The following PSORS1C1 variants were observed in gnomAD, a reference collection of about 807,000 sequenced individuals.
PSORS1C1 encodes psoriasis susceptibility 1 candidate 1, also known as psoriasis susceptibility 1 candidate gene 1 protein.
Under a neutral mutation model 9.4 loss-of-function variants are expected in PSORS1C1, and 7 were observed. The observed-to-expected ratio is 0.75, with a 90% CI of 0.42 to 1.40. PSORS1C1 has a LOEUF of 1.40. Ranked by LOEUF, PSORS1C1 falls within the 40% of genes most tolerant of loss-of-function variation. The pLI, the probability that PSORS1C1 is intolerant of heterozygous loss-of-function variation, is 0.01. For missense variants in PSORS1C1, 146 were observed against 178.1 expected (o/e 0.82, Z 1.02); for synonymous variants, 63 against 69.4 (o/e 0.91, Z 0.46).
chr6:31,138,040 G>A, intron 3 of PSORS1C1: 9 of 1,529,234 alleles, frequency 5.9e-6, no homozygotes, highest in Non-Finnish European at 7.9e-6. Flanking sequence ...GGGTTTTCTG[G>A]GGGCTGGGGT....
At chr6:31,121,595 C>T (rs1476548454) in intron 1 of PSORS1C1, among the ~76,000 whole-genome samples, 1 of 151,972 alleles carries the variant, frequency 6.6e-6, no homozygotes, top group Non-Finnish European at 1.5e-5. Context: ...GTATCAGTAT[C>T]GGAGGGAGGT....
chr6:31,116,496 C>A (rs748714205), intron 1 of PSORS1C1: 11 of 1,609,526 alleles, frequency 6.8e-6, no homozygotes, highest in Non-Finnish European at 7.6e-6. Context: ...CCCCACCAGT[C>A]CCCACTGGCT....
chr6:31,120,441 A>G, intron 1 of PSORS1C1: 1 of 1,559,130 alleles, frequency 6.4e-7, no homozygotes, highest in Non-Finnish European at 8.7e-7. Flanking sequence ...CGGCCTCCTG[A>G]CTGATGGCAG....
At chr6:31,133,890 C>G (rs769928120) in intron 3 of PSORS1C1, among the ~76,000 whole-genome samples, 66 of 152,210 alleles carry the variant, frequency 4.3e-4, no homozygotes, top group Non-Finnish European at 8.4e-4. Context: ...TTTAATTCTA[C>G]TAGGCTCAAC....
intron 3 of PSORS1C1, among the ~76,000 whole-genome samples, chr6:31,132,328 C>G (rs1772954063): frequency 6.6e-6 from 1 of 152,102 alleles, no homozygotes; most frequent in African/African-American, 2.4e-5. Context: ...TTGAGACCAG[C>G]CTGGCCAACA....
rs879781820 is a variant in PSORS1C1 at position 31,139,455 on chromosome 6, G to A, written c.168-186G>A. 1.5e-5 allele frequency: 9 copies of A among 611,908 alleles called. No individual in the cohort carries two copies. The African/African-American group carries it at 1.5e-4, about 10-fold the overall frequency. The allele number at this position is 611,908 out of a possible 1,614,324, so 37.9% of individuals were successfully genotyped here. On this transcript the variant is annotated intron_variant, in intron 5 of 5. Transcript: ENST00000259881. The surrounding 1 kb of genome is among the most constrained non-coding windows in gnomAD (Gnocchi z 5.2). ...CCGTAATTACAGGGTTGGGAGGCAG[G>A]ATGCCTGCGCTGAGGGAGGAGGTGC...
In PSORS1C1 at chr6:31,115,843, A is replaced by G; in HGVS notation, c.-229+952A>G. 1.7e-6 allele frequency: 1 copy of G among 597,082 alleles called. No individual in the cohort carries two copies. The highest frequency in any genetic ancestry group is 3.0e-6 in the Non-Finnish European group (1 of 333,544). 37.0% of individuals were successfully genotyped at this position (597,082 alleles called of 1,614,324 possible). A position where few individuals can be genotyped will look rare whatever the true frequency, so the allele number is the denominator to read the frequency against. On this transcript the variant is annotated intron_variant, in intron 1 of 5. Coordinates refer to ENST00000259881, the MANE Select transcript of PSORS1C1 (RefSeq NM_014068.3). The surrounding 1 kb of genome is among the most constrained non-coding windows in gnomAD (Gnocchi z 4.2). Reference sequence around the variant, plus strand: ...TGAATCTACCATTTTGAGAAGAGGAAGGAGGAAGGGGTGATAAGAGAGAGT... The same window carrying G: ...TGAATCTACCATTTTGAGAAGAGGAGGGAGGAAGGGGTGATAAGAGAGAGT...
At chr6:31,118,843 C>CTTCTTTT (rs750733706) in intron 1 of PSORS1C1, 26 of 120,772 alleles carry the variant, frequency 2.2e-4, no homozygotes, top group Admixed American at 5.8e-4. Flanking sequence ...TCTTCTTCTT[C>CTTCTTTT]TTTTTTTTTT....
At chr6:31,138,390 C>T in intron 3 of PSORS1C1, 40 bp from the exon 4 acceptor site, 2 of 1,600,276 alleles carry the variant, frequency 1.2e-6, no homozygotes, top group African/African-American at 1.3e-5. Context: ...GGAGGAGGAG[C>T]CTGTCTGGAT....
chr6:31,128,492 G>A lies in PSORS1C1; in HGVS notation c.-64-1077G>A, dbSNP rs1300199965. Among the ~76,000 whole-genome samples, 1 of 152,136 alleles carries A rather than the reference G, an allele frequency of 6.6e-6. No homozygotes were observed. Among genetic ancestry groups the A allele is most frequent in the Non-Finnish European group, 1.5e-5 (1 of 68,038 alleles). On this transcript the variant is annotated intron_variant, in intron 2 of 5. Transcript: ENST00000259881. This position sits in a 1 kb window ranked among gnomAD's most constrained non-coding sequence, Gnocchi z 4.3. The stretch of plus-strand genomic sequence containing the variant: ...TGCTATCCTGCCTGCCCCCATCACA[G>A]GAGTTGAGATTATACTGCAAAAGGA...
chr6:31,137,750 G>A (rs1773218050), intron 3 of PSORS1C1: 2 of 403,822 alleles, frequency 5.0e-6, no homozygotes, highest in Non-Finnish European at 8.7e-6. Context: ...AAAAACGGGC[G>A]ATGTGAGGAC....
chr6:31,119,946 A>C (rs1474480228), intron 1 of PSORS1C1, among the ~76,000 whole-genome samples: 2 of 152,098 alleles, frequency 1.3e-5, no homozygotes, highest in Non-Finnish European at 2.9e-5. Flanking sequence ...ATATAATCCA[A>C]ATGTGCTTAA....
chr6:31,116,631 G>T (rs1772143464), intron 1 of PSORS1C1: 2 of 1,613,060 alleles, frequency 1.2e-6, no homozygotes, highest in Non-Finnish European at 1.7e-6. Context: ...CTTTCACAGG[G>T]TTCTCTTTGG....
intron 5 of PSORS1C1, 42 bp downstream of exon 5, chr6:31,138,821 A>G (rs747280509): frequency 3.1e-6 from 5 of 1,612,814 alleles, no homozygotes; most frequent in East Asian, 2.2e-5. Flanking sequence ...CCCCCACCCA[A>G]TGTGTCCAGA....
At chr6:31,129,249 G>A (rs1279354166) in intron 2 of PSORS1C1, among the ~76,000 whole-genome samples, 2 of 152,092 alleles carry the variant, frequency 1.3e-5, no homozygotes, top group Non-Finnish European at 2.9e-5. Context: ...CTGTAAATCT[G>A]TGATCCTATT....
Position 31,138,674 on chromosome 6 carries a change from T to C in PSORS1C1, c.62T>C (p.Leu21Ser). 6.2e-7 allele frequency: 1 copy of C among 1,613,246 alleles called. No homozygotes were observed. Among genetic ancestry groups the C allele is most frequent in the Non-Finnish European group, 8.5e-7 (1 of 1,179,920 alleles). Residue 21 changes from leucine to serine, a missense_variant, in exon 5 of 6, where the codon TTA (leucine) becomes TCA (serine). Transcript: ENST00000259881. ...QRALGTQTPA[L>S]QGPQLLNTDP... ...CCCCCAGGCACACAGACCCCAGCTTTACAAGGACCCCAGCTCCTTAACACA... is the reference window on the plus strand; with the variant it reads ...CCCCCAGGCACACAGACCCCAGCTTCACAAGGACCCCAGCTCCTTAACACA...
chr6:31,136,187 G>A (rs548533714), intron 3 of PSORS1C1, among the ~76,000 whole-genome samples: 3 of 152,200 alleles, frequency 2.0e-5, no homozygotes, highest in African/African-American at 7.2e-5. Context: ...AGGAATTCGA[G>A]ACCAGCCTGG....
intron 1 of PSORS1C1, chr6:31,116,371 C>T (rs780847309): frequency 6.2e-7 from 1 of 1,609,800 alleles, no homozygotes; most frequent in South Asian, 1.1e-5. Context: ...AGCACTGCCG[C>T]AGGGATGGTA....
rs1374562047 is a variant in PSORS1C1 at position 31,128,068 on chromosome 6, C to A, written c.-64-1501C>A. 6.6e-6 allele frequency among the ~76,000 whole-genome samples: 1 copy of A among 152,158 alleles called. No individual in the cohort carries two copies. Among genetic ancestry groups the A allele is most frequent in the Non-Finnish European group, 1.5e-5 (1 of 68,032 alleles). ...AGGGAGAGAATGTGTAAATGATGAT[C>A]GTGAGGTCCACTTGGACAGGCAGCC... On this transcript the variant is annotated intron_variant, in intron 2 of 5. Coordinates refer to ENST00000259881, the MANE Select transcript of PSORS1C1 (RefSeq NM_014068.3). The surrounding 1 kb of genome is among the most constrained non-coding windows in gnomAD (Gnocchi z 4.3).
Sources: gnomAD v4.1 joint callset for allele counts (sites outside exome capture counted in the v4.1 genomes callset) on GRCh38, gnomAD v4.1.1 for gene constraint, Gnocchi (gnomAD v3.1) non-coding constraint, MANE v1.5 for transcripts, NCBI Gene and HGNC (gene_info 2026-07-23, HGNC 2026-07-21) for gene names.